The following CATSPERB variants were observed in gnomAD, a reference collection of about 807,000 sequenced individuals.
The protein encoded by CATSPERB is catsper channel auxiliary subunit beta.
A neutral mutation model predicts 128.3 loss-of-function variants in CATSPERB; 93 were observed. That is an observed-to-expected ratio of 0.72 (90% CI 0.61 to 0.86). The LOEUF is 0.86. Ranked by LOEUF, CATSPERB falls within the 40% of genes least tolerant of loss-of-function variation. The pLI is 0.00. For missense variants in CATSPERB, 1,153 were observed against 1,329.5 expected, an observed-to-expected ratio of 0.87 and a Z score of 2.06; for synonymous variants, 381 against 448.8, an observed-to-expected ratio of 0.85 and a Z score of 1.91.
intron 17 of CATSPERB, among the ~76,000 whole-genome samples, chr14:91,632,139 A>C (rs959360984): frequency 3.9e-5 from 6 of 152,170 alleles, no homozygotes; most frequent in Non-Finnish European, 5.9e-5. Context: ...AGTTGAACTA[A>C]ACTCTCCAAC....
At chr14:91,669,569 G>A (rs916600101) in intron 14 of CATSPERB, among the ~76,000 whole-genome samples, 12 of 152,182 alleles carry the variant, frequency 7.9e-5, no homozygotes, top group Admixed American at 7.2e-4. Flanking sequence ...ATAGTAATTG[G>A]CAACATTCAA....
At chr14:91,706,013 C>G (rs752472284) in intron 6 of CATSPERB, among the ~76,000 whole-genome samples, 22 of 152,048 alleles carry the variant, frequency 1.4e-4, no homozygotes, top group Non-Finnish European at 2.8e-4. Context: ...AAGACAACTG[C>G]TGTCTGAATT....
chr14:91,676,601 G>C (rs1895196507), intron 11 of CATSPERB, among the ~76,000 whole-genome samples: 1 of 150,844 alleles, frequency 6.6e-6, no homozygotes, highest in South Asian at 2.1e-4. Flanking sequence ...CATTATTTAT[G>C]TTCTAACTGA....
chr14:91,585,640 A>G (rs990557620), intron 26 of CATSPERB, among the ~76,000 whole-genome samples: 1 of 152,214 alleles, frequency 6.6e-6, no homozygotes, highest in East Asian at 1.9e-4. Flanking sequence ...GAGCATGGTT[A>G]TAATAGCTAG....
At chr14:91,615,660 G>A (rs1351615410) in intron 20 of CATSPERB, among the ~76,000 whole-genome samples, 2 of 152,110 alleles carry the variant, frequency 1.3e-5, no homozygotes, top group African/African-American at 2.4e-5. Context: ...ATTACATTGT[G>A]TATATATTCC....
Position 91,589,569 on chromosome 14 carries a change from A to G in CATSPERB, c.2921T>C (p.Val974Ala). 1 of 1,613,858 alleles carries G rather than the reference A, an allele frequency of 6.2e-7. No individual in the cohort carries two copies. The change falls in exon 24 of 27, where the codon GTG becomes GCG. Residue 974 changes from valine (V) to alanine (A), a missense_variant. Val to Ala is a moderately conservative substitution (Grantham distance 64). Transcript: ENST00000256343. ...VPLQSPYLVTVTEVNMRHNWK... is the reference protein window; with the variant it reads ...VPLQSPYLVTATEVNMRHNWK... The stretch of plus-strand genomic sequence containing the variant: ...GTTGTGCCTCATGTTCACTTCAGTC[A>G]CAGTAACCAGATATGGAGATTGCAA...
At chr14:91,607,728 A>G (rs1339299132) in intron 22 of CATSPERB, among the ~76,000 whole-genome samples, 3 of 152,146 alleles carry the variant, frequency 2.0e-5, no homozygotes, top group Non-Finnish European at 4.4e-5. Flanking sequence ...CTGTCTGTGC[A>G]TGTGTATGGG....
chr14:91,583,304 C>A (rs1704600), intron 26 of CATSPERB, among the ~76,000 whole-genome samples: 129,178 of 152,044 alleles, frequency 0.85, 55,048 homozygotes, highest in East Asian at 0.96. Context: ...CTGTAGTCCC[C>A]GCTACTCGGG....
rs377139273 is a variant in CATSPERB at position 91,672,895 on chromosome 14, C to G, written c.1100G>C (p.Gly367Ala). The G allele has an allele frequency of 1.9e-6, 3 of 1,592,326 alleles. No individual in the cohort carries two copies. In the African/African-American group the frequency reaches 4.1e-5, roughly 22 times the overall value. The change falls in exon 13 of 27, where the codon GGT becomes GCT. Residue 367 changes from glycine (G) to alanine (A), a missense_variant. Transcript: ENST00000256343. ...GTTATAGAAGAGGTAAACTCCAGTACCACGCTCTTGGTCAACAAGAAATGT... is the reference window on the plus strand; with the variant it reads ...GTTATAGAAGAGGTAAACTCCAGTAGCACGCTCTTGGTCAACAAGAAATGT... ...VLTFLVDQER[G>A]TGVYLFYNKV... is the part of the protein sequence containing the mutation.
At chr14:91,590,398 G>A (rs568488319) in intron 23 of CATSPERB, among the ~76,000 whole-genome samples, 1 of 152,190 alleles carries the variant, frequency 6.6e-6, no homozygotes, top group South Asian at 2.1e-4. Flanking sequence ...GGGCATAGTG[G>A]TGGGCACCTA....
chr14:91,590,501 G>A (rs889350102), intron 23 of CATSPERB, among the ~76,000 whole-genome samples: 12 of 152,096 alleles, frequency 7.9e-5, no homozygotes, highest in African/African-American at 2.7e-4. Flanking sequence ...ATTACACTCC[G>A]ACCTGGGCGA....
intron 17 of CATSPERB, among the ~76,000 whole-genome samples, chr14:91,633,449 G>A (rs1463618057): frequency 6.6e-6 from 1 of 151,878 alleles, no homozygotes; most frequent in Non-Finnish European, 1.5e-5. Context: ...TTGTCTATGA[G>A]GCTAGTACAA....
chr14:91,589,932 C>CT (rs977078086), intron 23 of CATSPERB, among the ~76,000 whole-genome samples: 4 of 152,094 alleles, frequency 2.6e-5, no homozygotes, highest in Admixed American at 6.6e-5. Flanking sequence ...GTCACTCAAA[C>CT]TTTTTTTGGC....
chr14:91,695,793 A>C (rs937119504), intron 7 of CATSPERB, among the ~76,000 whole-genome samples: 16 of 152,232 alleles, frequency 1.1e-4, no homozygotes, highest in Non-Finnish European at 5.9e-5. Context: ...AGACCACTTA[A>C]GAGGCTAATT....
At chr14:91,731,380 C>T (rs1174408547) in intron 1 of CATSPERB, among the ~76,000 whole-genome samples, 2 of 152,154 alleles carry the variant, frequency 1.3e-5, no homozygotes, top group African/African-American at 4.8e-5. Context: ...CTTCTTTCAA[C>T]TTTCAGCTCA....
intron 25 of CATSPERB, 31 bp from the exon 26 acceptor site, chr14:91,587,307 A>T (rs1893320588): frequency 2.6e-6 from 4 of 1,530,050 alleles, no homozygotes; most frequent in Non-Finnish European, 3.6e-6. Flanking sequence ...AGTTGTTAGC[A>T]GCATCAACAT....
Position 91,610,466 on chromosome 14 carries a change from A to T in CATSPERB, c.2598+14T>A. ...TTGCTTCTTAAACCAATATACTTAGATTTTTTTTTTTACCGGCAAAGTTTT... is the reference window on the plus strand; with the variant it reads ...TTGCTTCTTAAACCAATATACTTAGTTTTTTTTTTTTACCGGCAAAGTTTT... On this transcript the variant is annotated intron_variant, in intron 21 of 26. Transcript: ENST00000256343. 2.5e-6 allele frequency: 3 copies of T among 1,196,376 alleles called. No homozygotes were observed. Among genetic ancestry groups the T allele is most frequent in the Non-Finnish European group, 3.5e-6 (3 of 862,066 alleles). The allele number at this position is 1,196,376 out of a possible 1,614,324, so 74.1% of individuals were successfully genotyped here.
At chr14:91,671,797 C>T (rs1001971223) in intron 13 of CATSPERB, among the ~76,000 whole-genome samples, 3 of 151,790 alleles carry the variant, frequency 2.0e-5, no homozygotes, top group Non-Finnish European at 4.4e-5. Context: ...TTTGGGAGGC[C>T]GAGGCGGGCA....
chr14:91,667,447 G>A (rs747937951), intron 14 of CATSPERB, among the ~76,000 whole-genome samples: 1 of 152,192 alleles, frequency 6.6e-6, no homozygotes, highest in East Asian at 1.9e-4. Context: ...GAAGGAAAGA[G>A]AGAGATAGAA....
Sources: allele counts gnomAD v4.1 joint callset (sites outside exome capture counted in the v4.1 genomes callset), GRCh38; gene constraint gnomAD v4.1.1; transcripts MANE v1.5; gene names NCBI Gene and HGNC (gene_info 2026-07-23, HGNC 2026-07-21).